Variants in EPHA6 observed in about 807,000 individuals in gnomAD.
The protein encoded by EPHA6 is ephrin type-A receptor 6.
In EPHA6, 50 loss-of-function variants were observed where a neutral mutation model predicts 112.0. The observed-to-expected ratio is 0.45, with a 90% CI of 0.36 to 0.56. The LOEUF is 0.56. Among genes scored for constraint, EPHA6 ranks in the 20% least tolerant of loss-of-function variants. EPHA6 has a pLI of 0.00. For synonymous variants in EPHA6, 529 were observed against 490.7 expected (o/e 1.08, Z -1.03); for missense variants, 1,280 against 1,417.4 (o/e 0.90, Z 1.56).
intron 5 of EPHA6, among the ~76,000 whole-genome samples, chr3:97,282,130 T>C (rs181761322): frequency 1.3e-5 from 2 of 152,334 alleles, no homozygotes; most frequent in African/African-American, 4.8e-5. Flanking sequence ...ATATTTACAG[T>C]GTCCATATTG....
At chr3:97,056,859 A>T (rs1486760301) in intron 3 of EPHA6, among the ~76,000 whole-genome samples, 1 of 152,140 alleles carries the variant, frequency 6.6e-6, no homozygotes, top group Non-Finnish European at 1.5e-5. Context: ...TGAGATAGGA[A>T]ATTTTTCATA....
intron 11 of EPHA6, among the ~76,000 whole-genome samples, chr3:97,549,463 A>G (rs969326330): frequency 6.6e-6 from 1 of 152,202 alleles, no homozygotes; most frequent in Non-Finnish European, 1.5e-5. Context: ...AAGAATAAGA[A>G]CAAAATGTCA....
intron 2 of EPHA6, among the ~76,000 whole-genome samples, chr3:96,911,637 T>C (rs181157084): frequency 6.6e-6 from 1 of 152,136 alleles, no homozygotes; most frequent in Admixed American, 6.6e-5. Context: ...CAAATTCTTG[T>C]CTGTCTCATA....
rs565831222 is a variant in EPHA6 at position 97,524,712 on chromosome 3, T to C, written c.2201-7646T>C. On this transcript the variant is annotated intron_variant, in intron 10 of 17. Coordinates refer to ENST00000389672, the MANE Select transcript of EPHA6 (RefSeq NM_001080448.3). ...TTGTTTGTCTTAGAATGTCTTGATCTCATTTTTCATTTCTGAAGGACTGTG... is the reference window on the plus strand; with the variant it reads ...TTGTTTGTCTTAGAATGTCTTGATCCCATTTTTCATTTCTGAAGGACTGTG... Among the ~76,000 whole-genome samples, 31 of 152,284 alleles carry C rather than the reference T, an allele frequency of 2.0e-4. No individual in the cohort carries two copies. In the South Asian group the frequency reaches 3.9e-3, roughly 19 times the overall value.
intron 3 of EPHA6, 145 bp from the exon 4 acceptor site, chr3:97,226,119 A>G: frequency 1.8e-6 from 1 of 563,104 alleles, no homozygotes. Flanking sequence ...TCATTTGTTA[A>G]TCTTAATATA....
intron 10 of EPHA6, among the ~76,000 whole-genome samples, chr3:97,511,731 A>G (rs150095517): frequency 6.6e-6 from 1 of 152,210 alleles, no homozygotes; most frequent in African/African-American, 2.4e-5. Context: ...TTAATCAGTT[A>G]TAGTAATGAA....
At chr3:97,735,049 G>C (rs1255910225) in intron 15 of EPHA6, among the ~76,000 whole-genome samples, 1 of 151,900 alleles carries the variant, frequency 6.6e-6, no homozygotes, top group Non-Finnish European at 1.5e-5. Flanking sequence ...TACATTTCCC[G>C]AGAGCTGCAC....
At chr3:97,388,082 C>A (rs983789663) in intron 5 of EPHA6, among the ~76,000 whole-genome samples, 1 of 152,158 alleles carries the variant, frequency 6.6e-6, no homozygotes, top group African/African-American at 2.4e-5. Flanking sequence ...TCCTACCAGG[C>A]CCCTCCTCCA....
At chr3:97,408,337 T>C (rs2087496105) in intron 6 of EPHA6, among the ~76,000 whole-genome samples, 1 of 151,914 alleles carries the variant, frequency 6.6e-6, no homozygotes, top group South Asian at 2.1e-4. Flanking sequence ...ACCCTTCTCT[T>C]ATCTCTGTTC....
chr3:97,164,806 G>A (rs888790062), intron 3 of EPHA6, among the ~76,000 whole-genome samples: 1 of 151,978 alleles, frequency 6.6e-6, no homozygotes, highest in Non-Finnish European at 1.5e-5. Flanking sequence ...CTTTCATGAT[G>A]TCACTTACTT....
chr3:96,954,048 G>GT (rs1173737885), intron 2 of EPHA6, among the ~76,000 whole-genome samples: 1 of 151,498 alleles, frequency 6.6e-6, no homozygotes, highest in East Asian at 1.9e-4. Flanking sequence ...TATTTTTTTT[G>GT]TTTTTTGTAA....
chr3:97,735,183 ACCACATGTGACTGTGTG>A (rs1292196857), intron 15 of EPHA6, among the ~76,000 whole-genome samples: 1 of 152,036 alleles, frequency 6.6e-6, no homozygotes. Flanking sequence ...GTGCTCACTA[ACCACATGTGACTGTGTG>A]CTACCATGTT....
intron 14 of EPHA6, among the ~76,000 whole-genome samples, chr3:97,699,771 C>A (rs1312017020): frequency 6.6e-6 from 1 of 152,184 alleles, no homozygotes; most frequent in Admixed American, 6.5e-5. Context: ...AAATTAACTC[C>A]TTTTTAACCA....
intron 14 of EPHA6, among the ~76,000 whole-genome samples, chr3:97,673,641 A>G (rs928238882): frequency 3.9e-5 from 6 of 152,194 alleles, no homozygotes; most frequent in Non-Finnish European, 8.8e-5. Flanking sequence ...GCTTTCCCCA[A>G]AAGAAGCCCT....
chr3:97,019,203 G>A (rs908825734), intron 3 of EPHA6, among the ~76,000 whole-genome samples: 2 of 151,874 alleles, frequency 1.3e-5, no homozygotes, highest in African/African-American at 2.4e-5. Context: ...TCGTGTCCTC[G>A]GTCCCTTGCC....
At chr3:97,038,128 T>C (rs1204959479) in intron 3 of EPHA6, among the ~76,000 whole-genome samples, 1 of 152,074 alleles carries the variant, frequency 6.6e-6, no homozygotes, top group East Asian at 1.9e-4. Flanking sequence ...ATATCCTTCA[T>C]GTTAAATATT....
At chr3:97,707,722 C>A (rs371146467) in intron 14 of EPHA6, among the ~76,000 whole-genome samples, 1 of 152,158 alleles carries the variant, frequency 6.6e-6, no homozygotes, top group Non-Finnish European at 1.5e-5. Flanking sequence ...TATCCCCACA[C>A]GTCGAGGGAG....
At chr3:97,673,794 GGCCAAGGCCTTCTTA>G (rs2031097600) in intron 14 of EPHA6, among the ~76,000 whole-genome samples, 1 of 152,190 alleles carries the variant, frequency 6.6e-6, no homozygotes, top group African/African-American at 2.4e-5. Context: ...CAGTATAGCA[GGCCAAGGCCTTCTTA>G]GCCAGCTTTA....
At chr3:97,397,766 T>C (rs2086776713) in intron 5 of EPHA6, among the ~76,000 whole-genome samples, 1 of 151,602 alleles carries the variant, frequency 6.6e-6, no homozygotes, top group East Asian at 1.9e-4. Flanking sequence ...TTTCATTAAG[T>C]ATACAGAATG....
Sources: allele counts gnomAD v4.1 joint callset (sites outside exome capture counted in the v4.1 genomes callset), GRCh38; gene constraint gnomAD v4.1.1; transcripts MANE v1.5; gene names NCBI Gene and HGNC (gene_info 2026-07-23, HGNC 2026-07-21).